BDH1: variants seen among roughly 807,000 people sequenced by gnomAD.
BDH1 encodes the protein D-beta-hydroxybutyrate dehydrogenase, mitochondrial.
In BDH1, 30 loss-of-function variants were observed where a neutral mutation model predicts 33.1. That is an observed-to-expected ratio of 0.91 (90% confidence interval 0.68 to 1.23). BDH1 has a LOEUF of 1.23. Among genes scored for constraint, BDH1 ranks in the 50% most tolerant of loss-of-function variants. The pLI is 0.00. For synonymous variants in BDH1, 190 were observed against 183.6 expected, an observed-to-expected ratio of 1.03 and a Z score of -0.28; for missense variants, 443 against 464.4, an observed-to-expected ratio of 0.95 and a Z score of 0.42.
Position 197,514,373 on chromosome 3 carries a change from C to A in BDH1, c.453G>T (p.Gly151=). ...TCTCCAGGCTGGTGAACTCCACCTC[C>A]CCGAACGTTGAGATGCCGGCATTGT... ...LVNNAGISTF[G]EVEFTSLETY... Residue 151 remains glycine (G), a synonymous_variant, in exon 7 of 8, where the codon GGG becomes GGT. Coordinates refer to ENST00000392379, the MANE Select transcript of BDH1 (RefSeq NM_203314.3). The surrounding 1 kb of genome is among the most constrained non-coding windows in gnomAD (Gnocchi z 4.2). 6.2e-7 allele frequency: 1 copy of A among 1,612,906 alleles called. No homozygotes were observed. The highest frequency in any genetic ancestry group is 8.5e-7 in the Non-Finnish European group (1 of 1,179,440).
intron 2 of BDH1, among the ~76,000 whole-genome samples, chr3:197,552,948 C>A (rs1265098794): frequency 6.6e-6 from 1 of 152,114 alleles, no homozygotes; most frequent in African/African-American, 2.4e-5. Context: ...GATGGAATCT[C>A]GTTCTGTTAC....
chr3:197,531,104 T>G (rs898192398), intron 5 of BDH1, among the ~76,000 whole-genome samples: 1 of 152,122 alleles, frequency 6.6e-6, no homozygotes, highest in Admixed American at 6.6e-5. Flanking sequence ...CTTTTAAAAA[T>G]AGTGCTTTGG....
intron 1 of BDH1, among the ~76,000 whole-genome samples, chr3:197,571,464 G>A (rs904972971): frequency 6.6e-6 from 1 of 152,206 alleles, no homozygotes; most frequent in Non-Finnish European, 1.5e-5. Context: ...ATTCCCATGT[G>A]TTGTGGAAGG....
intron 1 of BDH1, among the ~76,000 whole-genome samples, chr3:197,568,122 G>A (rs1717492207): frequency 6.6e-6 from 1 of 152,186 alleles, no homozygotes; most frequent in African/African-American, 2.4e-5. Flanking sequence ...GGACAGTGCA[G>A]GTTAAATCCT....
rs900183386 is a variant in BDH1 at position 197,526,745 on chromosome 3, C to G, written c.268-3964G>C. ...AAGGATAGCCCTCTCCCGACCAGCT[C>G]TCCGTGCTCCGCTCCCAGACGAGCC... On this transcript the variant is annotated intron_variant, in intron 5 of 7. Coordinates refer to ENST00000392379, the MANE Select transcript of BDH1 (RefSeq NM_203314.3). The surrounding 1 kb of genome is among the most constrained non-coding windows in gnomAD (Gnocchi z 4.7). 3.9e-5 allele frequency among the ~76,000 whole-genome samples: 6 copies of G among 152,240 alleles called. No homozygotes were observed. The highest frequency in any genetic ancestry group is 7.3e-5 in the Non-Finnish European group (5 of 68,044).
upstream of BDH1, chr3:197,556,023 CG>C (rs1464235524): frequency 6.6e-6 from 1 of 152,298 alleles, no homozygotes; most frequent in Non-Finnish European, 1.5e-5. Context: ...GCGTGGCTGT[CG>C]GGGGGCCGCC....
chr3:197,520,769 G>A lies in BDH1; in HGVS notation c.409+1871C>T, dbSNP rs541145135. ...GGGAGGGAGGAGAATTTACCGCCAG[G>A]GAAGGGCGAAGCAGGCTGCAGGTTC... On this transcript the variant is annotated intron_variant, in intron 6 of 7. Coordinates refer to ENST00000392379, the MANE Select transcript of BDH1 (RefSeq NM_203314.3). The surrounding 1 kb of genome is among the most constrained non-coding windows in gnomAD (Gnocchi z 6.0). Among the ~76,000 whole-genome samples the A allele has an allele frequency of 5.1e-4, 77 of 152,338 alleles. No homozygotes were observed. Among genetic ancestry groups the A allele is most frequent in the African/African-American group, 1.8e-3 (75 of 41,572 alleles).
chr3:197,553,371 A>G, intron 2 of BDH1, among the ~76,000 whole-genome samples: 1 of 151,100 alleles, frequency 6.6e-6, no homozygotes, highest in South Asian at 2.1e-4. Context: ...TCTACTAAAA[A>G]TACAAAAATT....
intron 3 of BDH1, among the ~76,000 whole-genome samples, chr3:197,540,551 C>T (rs968087857): frequency 6.6e-6 from 1 of 151,948 alleles, no homozygotes; most frequent in African/African-American, 2.4e-5. Flanking sequence ...CGCCTATAAT[C>T]CCAGCTACTC....
chr3:197,514,872 G>C lies in BDH1; in HGVS notation c.410-456C>G, dbSNP rs1268399319. Among the ~76,000 whole-genome samples the C allele has an allele frequency of 2.0e-5, 3 of 152,218 alleles. No homozygotes were observed. The highest frequency in any genetic ancestry group is 7.2e-5 in the African/African-American group (3 of 41,462). ...CAGAAGCCAGGGAAATCACAGGGGA[G>C]GTGGGCACGAGGAGGCAGCTGTGTT... On this transcript the variant is annotated intron_variant, in intron 6 of 7. Transcript: ENST00000392379. The surrounding 1 kb of genome is among the most constrained non-coding windows in gnomAD (Gnocchi z 4.2).
Position 197,565,303 on chromosome 3 carries a change from T to A in BDH1, c.-44+7878A>T, listed in dbSNP as rs555982954. On this transcript the variant is annotated intron_variant, in intron 1 of 6. Transcript: ENST00000358186. ...AAAGAGAAGGTTTTTGCCTTTTTTT[T>A]AAATCCTTGAGTTATCACTTTGGTC... is the stretch of plus-strand genomic sequence containing the variant. Among the ~76,000 whole-genome samples the A allele has an allele frequency of 1.8e-4, 28 of 152,342 alleles. No homozygotes were observed. The South Asian group carries it at 2.7e-3, about 15-fold the overall frequency.
intron 3 of BDH1, chr3:197,546,154 G>A: frequency 2.0e-6 from 1 of 511,692 alleles, no homozygotes; most frequent in Non-Finnish European, 3.5e-6. Context: ...AAAAATAAGT[G>A]GTTATGAAAG....
At chr3:197,546,681 C>G (rs1716106039) in intron 2 of BDH1, among the ~76,000 whole-genome samples, 195 bp from the exon 3 acceptor site, 1 of 152,158 alleles carries the variant, frequency 6.6e-6, no homozygotes, top group Non-Finnish European at 1.5e-5. Context: ...AGTCAGGAGC[C>G]AGGGTGCCTG....
At chr3:197,515,444 T>C (rs1712598834) in intron 6 of BDH1, 1 of 985,556 alleles carries the variant, frequency 1.0e-6, no homozygotes, top group Non-Finnish European at 1.2e-6. Flanking sequence ...GCGCCCTGAG[T>C]CTTCACCTTC....
At chr3:197,533,310 A>T (rs1714864067) in intron 4 of BDH1, among the ~76,000 whole-genome samples, 179 bp downstream of exon 4, 1 of 151,850 alleles carries the variant, frequency 6.6e-6, no homozygotes. Flanking sequence ...CCCCACATGG[A>T]TGGGGGTGTG....
chr3:197,562,239 T>A (rs1717288024), intron 1 of BDH1, among the ~76,000 whole-genome samples: 2 of 152,128 alleles, frequency 1.3e-5, no homozygotes, highest in Admixed American at 1.3e-4. Flanking sequence ...TCTTCTCTCC[T>A]AGGAAATTGT....
chr3:197,512,001 G>A lies in BDH1; in HGVS notation c.926C>T (p.Thr309Ile). ...GGGGTGGTAGCGGGTGTAGGGGGTG[G>A]TGGCGGTCAGGGCGTGTGTGACAGC... is the stretch of plus-strand genomic sequence containing the variant. ...IDAVTHALTA[T>I]TPYTRYHPMD... The change falls in exon 8 of 8, where the codon ACC (threonine) becomes ATC (isoleucine). Residue 309 changes from threonine to isoleucine, a missense_variant. By Grantham distance (89) the Thr-to-Ile change is moderately conservative. Transcript: ENST00000392379. The A allele has an allele frequency of 1.9e-6, 3 of 1,613,838 alleles. No homozygotes were observed. The highest frequency in any genetic ancestry group is 1.1e-5 in the South Asian group (1 of 91,044).
At chr3:197,524,361 G>A (rs1180697156) in intron 5 of BDH1, among the ~76,000 whole-genome samples, 2 of 152,196 alleles carry the variant, frequency 1.3e-5, no homozygotes, top group African/African-American at 2.4e-5. Context: ...AGCCCAGGAC[G>A]GTCAGCACTT....
rs537948683 is a variant in BDH1, at chr3:197,533,807, TA to T, written c.84-247del. ...CTGAGAATAAAGCCAATTCTGAAGCTACTTTTGTTGGGCAGGCTCTGCTAAA... is the reference window on the plus strand; with the variant it reads ...CTGAGAATAAAGCCAATTCTGAAGCTCTTTTGTTGGGCAGGCTCTGCTAAA... On this transcript the variant is annotated intron_variant, in intron 3 of 7. Coordinates refer to ENST00000392379, the MANE Select transcript of BDH1 (RefSeq NM_203314.3). 407 of 504,622 alleles carry T rather than the reference TA, an allele frequency of 8.1e-4. 1 individual carries two copies. Among genetic ancestry groups the T allele is most frequent in the African/African-American group, 6.3e-3 (328 of 52,040 alleles). 31.3% of individuals were successfully genotyped at this position (504,622 alleles called of 1,614,324 possible).
Sources: gnomAD v4.1 joint callset for allele counts (sites outside exome capture counted in the v4.1 genomes callset) on GRCh38, gnomAD v4.1.1 for gene constraint, Gnocchi (gnomAD v3.1) non-coding constraint, MANE v1.5 for transcripts, NCBI Gene and HGNC (gene_info 2026-07-23, HGNC 2026-07-21) for gene names.